The following GRM7 variants were observed in gnomAD, a reference collection of about 807,000 sequenced individuals.
GRM7 encodes glutamate metabotropic receptor 7.
Under a neutral mutation model 84.5 loss-of-function variants are expected in GRM7, and 35 were observed. The ratio of observed to expected loss-of-function variants is 0.41; its 90% CI spans 0.32 to 0.55. The LOEUF (loss-of-function observed/expected upper bound fraction) is 0.55. GRM7 is among the 20% of genes least tolerant of loss of function. The pLI, the probability that GRM7 is intolerant of heterozygous loss-of-function variation, is 0.19. For missense variants in GRM7, 1,003 were observed against 1,194.6 expected (o/e 0.84, Z 2.36); for synonymous variants, 487 against 455.1 (o/e 1.07, Z -0.89).
At chr3:7,627,047 A>G (rs920534644) in intron 8 of GRM7, among the ~76,000 whole-genome samples, 1 of 152,110 alleles carries the variant, frequency 6.6e-6, no homozygotes, top group African/African-American at 2.4e-5. Flanking sequence ...TAATTCAGCC[A>G]TAATAAGGCT....
chr3:7,673,774 C>T (rs573086744), intron 8 of GRM7, among the ~76,000 whole-genome samples: 51 of 152,278 alleles, frequency 3.3e-4, no homozygotes, highest in Middle Eastern at 6.8e-3. Flanking sequence ...TCCCACATAG[C>T]TGACTTCTGC....
intron 2 of GRM7, among the ~76,000 whole-genome samples, chr3:7,195,376 C>T (rs1177494299): frequency 6.6e-6 from 1 of 152,078 alleles, no homozygotes; most frequent in South Asian, 2.1e-4. Flanking sequence ...CCTTATCAGG[C>T]ACCCCAATTC....
intron 4 of GRM7, among the ~76,000 whole-genome samples, chr3:7,308,202 T>A (rs929141319): frequency 6.6e-6 from 1 of 152,200 alleles, no homozygotes; most frequent in Non-Finnish European, 1.5e-5. Flanking sequence ...TTTCCTCTTC[T>A]AGAGTACTAA....
chr3:7,125,936 G>T (rs1205873571), intron 1 of GRM7, among the ~76,000 whole-genome samples: 1 of 152,102 alleles, frequency 6.6e-6, no homozygotes, highest in East Asian at 1.9e-4. Flanking sequence ...GATAGAAATG[G>T]GATTTATCCG....
chr3:7,207,467 A>G (rs1339154050), intron 2 of GRM7, among the ~76,000 whole-genome samples: 1 of 152,074 alleles, frequency 6.6e-6, no homozygotes, highest in Non-Finnish European at 1.5e-5. Flanking sequence ...GACTCTTCCT[A>G]TTCTTCCCAT....
At chr3:6,967,453 C>A (rs899561532) in intron 1 of GRM7, among the ~76,000 whole-genome samples, 2 of 152,152 alleles carry the variant, frequency 1.3e-5, no homozygotes, top group African/African-American at 4.8e-5. Flanking sequence ...CTTTGGTCTC[C>A]CAAAGTGTTG....
intron 8 of GRM7, among the ~76,000 whole-genome samples, chr3:7,597,790 C>A (rs904073947): frequency 6.6e-6 from 1 of 152,068 alleles, no homozygotes; most frequent in African/African-American, 2.4e-5. Flanking sequence ...ACAAATAGAT[C>A]CTATAGTGCT....
chr3:7,445,172 A>T (rs894773803), intron 5 of GRM7, among the ~76,000 whole-genome samples: 1 of 152,230 alleles, frequency 6.6e-6, no homozygotes, highest in African/African-American at 2.4e-5. Context: ...TTCAGTAGGT[A>T]TAAGAGGATG....
At chr3:7,378,219 AAAG>A (rs1366106058) in intron 4 of GRM7, among the ~76,000 whole-genome samples, 2 of 152,190 alleles carry the variant, frequency 1.3e-5, no homozygotes, top group African/African-American at 2.4e-5. Flanking sequence ...TCTAGTCCTC[AAAG>A]AAGAAGTTGT....
At chr3:7,388,359 G>A (rs1031920598) in intron 4 of GRM7, among the ~76,000 whole-genome samples, 5 of 152,142 alleles carry the variant, frequency 3.3e-5, no homozygotes, top group African/African-American at 1.2e-4. Flanking sequence ...TTTTGTTAAG[G>A]ATTTTTGGGT....
intron 2 of GRM7, among the ~76,000 whole-genome samples, chr3:7,177,706 C>T (rs1239554033): frequency 1.3e-5 from 2 of 151,944 alleles, no homozygotes; most frequent in Non-Finnish European, 2.9e-5. Flanking sequence ...TTTTAAATAT[C>T]GAGAATCATG....
At chr3:6,874,412 G>A (rs978152652) in intron 1 of GRM7, among the ~76,000 whole-genome samples, 2 of 152,136 alleles carry the variant, frequency 1.3e-5, no homozygotes, top group Non-Finnish European at 2.9e-5. Context: ...CTCCGGGCAG[G>A]CCACATCAAT....
chr3:7,426,428 G>A (rs2124838906), intron 5 of GRM7, among the ~76,000 whole-genome samples: 1 of 152,254 alleles, frequency 6.6e-6, no homozygotes, highest in African/African-American at 2.4e-5. Context: ...TTCTCTAGAG[G>A]TGTCTGCATT....
intron 7 of GRM7, among the ~76,000 whole-genome samples, chr3:7,514,232 C>G (rs1466156196): frequency 6.6e-6 from 1 of 152,122 alleles, no homozygotes; most frequent in Non-Finnish European, 1.5e-5. Flanking sequence ...CTGTAATTCT[C>G]CTATTGAGAA....
intron 2 of GRM7, among the ~76,000 whole-genome samples, chr3:7,181,190 C>A (rs1410097504): frequency 6.6e-6 from 1 of 152,184 alleles, no homozygotes; most frequent in Non-Finnish European, 1.5e-5. Context: ...TTACCCTTCT[C>A]TTCTTTCCAT....
chr3:7,451,696 G>A (rs1332218703), intron 5 of GRM7: 1 of 152,036 alleles, frequency 6.6e-6, no homozygotes, highest in Non-Finnish European at 1.5e-5. Context: ...GTATCATAAG[G>A]ATAAAAAAAA....
At chr3:7,297,233 T>G (rs1432593256) in intron 2 of GRM7, among the ~76,000 whole-genome samples, 1 of 152,174 alleles carries the variant, frequency 6.6e-6, no homozygotes, top group Non-Finnish European at 1.5e-5. Context: ...AAAATTTACC[T>G]TGACACTTCT....
At chr3:7,176,360 C>G (rs1366930995) in intron 2 of GRM7, among the ~76,000 whole-genome samples, 1 of 150,296 alleles carries the variant, frequency 6.7e-6, no homozygotes, top group Non-Finnish European at 1.5e-5. Context: ...GCTGCAGTGA[C>G]CTGTGGTGAT....
intron 1 of GRM7, among the ~76,000 whole-genome samples, chr3:6,923,169 C>T (rs1697181734): frequency 2.0e-5 from 3 of 152,100 alleles, no homozygotes; most frequent in South Asian, 4.2e-4. Context: ...TGTGTGTCAT[C>T]ATGCCTGGCT....
Sources: allele counts gnomAD v4.1 joint callset (sites outside exome capture counted in the v4.1 genomes callset), GRCh38; gene constraint gnomAD v4.1.1; transcripts MANE v1.5; gene names NCBI Gene and HGNC (gene_info 2026-07-23, HGNC 2026-07-21).